The following ATRNL1 variants were observed in gnomAD, a reference collection of about 807,000 sequenced individuals.
ATRNL1 encodes attractin like 1, also known as attractin-like protein 1.
A neutral mutation model predicts 182.7 loss-of-function variants in ATRNL1; 95 were observed. The observed-to-expected ratio is 0.52, with a 90% CI of 0.44 to 0.62. The LOEUF (loss-of-function observed/expected upper bound fraction) is 0.62, where lower values mean the gene tolerates loss of function less well. Ranked by LOEUF, ATRNL1 falls within the 20% of genes least tolerant of loss-of-function variation. The pLI, the probability that ATRNL1 is intolerant of heterozygous loss-of-function variation, is 0.00. For missense variants in ATRNL1, 1,471 were observed against 1,679.5 expected (o/e 0.88, Z 2.17); for synonymous variants, 576 against 568.3 (o/e 1.01, Z -0.19).
At chr10:115,528,765 A>G (rs1848555347) in intron 25 of ATRNL1, among the ~76,000 whole-genome samples, 2 of 152,008 alleles carry the variant, frequency 1.3e-5, no homozygotes, top group African/African-American at 4.8e-5. Flanking sequence ...TTATAACTAA[A>G]TTTCCCTTTT....
chr10:115,865,844 C>A (rs552050302), intron 28 of ATRNL1, among the ~76,000 whole-genome samples: 1 of 152,270 alleles, frequency 6.6e-6, no homozygotes, highest in South Asian at 2.1e-4. Flanking sequence ...ATGGACACTT[C>A]TGTGCTGTCC....
At chr10:115,132,236 C>A (rs1421567091) in intron 5 of ATRNL1, among the ~76,000 whole-genome samples, 1 of 152,162 alleles carries the variant, frequency 6.6e-6, no homozygotes, top group Non-Finnish European at 1.5e-5. Context: ...CAGCGTCATC[C>A]ATGTCCCTAC....
Position 115,282,258 on chromosome 10 carries a change from T to A in ATRNL1, c.2233+771T>A, listed in dbSNP as rs552634418. 9.8e-4 allele frequency among the ~76,000 whole-genome samples: 145 copies of A among 148,500 alleles called. 2 individuals carry two copies. In the South Asian group the frequency reaches 0.024, roughly 24 times the overall value. ...AAATACATTTCTTTTTTTATTTTTTTAAAATTATTATTATTATACTTTAAG... is the reference window on the plus strand; with the variant it reads ...AAATACATTTCTTTTTTTATTTTTTAAAAATTATTATTATTATACTTTAAG... On this transcript the variant is annotated intron_variant, in intron 14 of 28. Coordinates refer to ENST00000355044, the MANE Select transcript of ATRNL1 (RefSeq NM_207303.4).
At chr10:115,136,236 G>T (rs952251478) in intron 5 of ATRNL1, among the ~76,000 whole-genome samples, 1 of 152,112 alleles carries the variant, frequency 6.6e-6, no homozygotes, top group African/African-American at 2.4e-5. Flanking sequence ...ATGACTAAAA[G>T]TATAGGGACC....
At chr10:115,328,332 T>C (rs542131341) in intron 18 of ATRNL1, among the ~76,000 whole-genome samples, 13 of 152,202 alleles carry the variant, frequency 8.5e-5, no homozygotes, top group Non-Finnish European at 1.8e-4. Flanking sequence ...TTTCACACGG[T>C]TCAATGCGAT....
intron 28 of ATRNL1, among the ~76,000 whole-genome samples, chr10:115,868,157 T>C (rs1293612880): frequency 6.6e-6 from 1 of 152,190 alleles, no homozygotes; most frequent in Non-Finnish European, 1.5e-5. Context: ...AATGTATATA[T>C]TCGAGTGATA....
At chr10:115,850,095 C>T (rs1429856211) in intron 28 of ATRNL1, among the ~76,000 whole-genome samples, 1 of 152,044 alleles carries the variant, frequency 6.6e-6, no homozygotes, top group African/African-American at 2.4e-5. Context: ...GACAGTGGTT[C>T]TACTCTTTAA....
chr10:115,651,711 C>G lies in ATRNL1; in HGVS notation c.3796-75537C>G, dbSNP rs372936754. Reference sequence around the variant, plus strand: ...GGGGGATCTTTACATAACCATCTTGCTAGAAGTTATTAAATGTGTTTCTAT... The same window carrying G: ...GGGGGATCTTTACATAACCATCTTGGTAGAAGTTATTAAATGTGTTTCTAT... On this transcript the variant is annotated intron_variant, in intron 26 of 28. Coordinates refer to ENST00000355044, the MANE Select transcript of ATRNL1 (RefSeq NM_207303.4). 2.2e-4 allele frequency among the ~76,000 whole-genome samples: 33 copies of G among 152,198 alleles called. No homozygotes were observed. The East Asian group carries it at 3.3e-3, about 15-fold the overall frequency.
At chr10:115,763,299 T>C (rs1555074121) in intron 27 of ATRNL1, among the ~76,000 whole-genome samples, 1 of 152,150 alleles carries the variant, frequency 6.6e-6, no homozygotes, top group African/African-American at 2.4e-5. Flanking sequence ...CTCCTGAGAC[T>C]CACATAATCT....
intron 28 of ATRNL1, among the ~76,000 whole-genome samples, chr10:115,866,324 G>GA: frequency 6.6e-6 from 1 of 152,088 alleles, no homozygotes; most frequent in East Asian, 1.9e-4. Context: ...TCTGAACTTA[G>GA]AAAATACATT....
chr10:115,885,069 A>G (rs1357753834), intron 28 of ATRNL1, among the ~76,000 whole-genome samples: 3 of 152,254 alleles, frequency 2.0e-5, no homozygotes, highest in Non-Finnish European at 4.4e-5. Flanking sequence ...ATTACCAGGT[A>G]CTTATCCCAT....
chr10:115,858,099 T>C (rs1431800619), intron 28 of ATRNL1, among the ~76,000 whole-genome samples: 9 of 152,202 alleles, frequency 5.9e-5, no homozygotes, highest in Admixed American at 4.6e-4. Flanking sequence ...GTGAATACAA[T>C]GTTATGGGTC....
chr10:115,641,412 AAAG>A (rs1859239289), intron 26 of ATRNL1, among the ~76,000 whole-genome samples: 1 of 152,192 alleles, frequency 6.6e-6, no homozygotes, highest in Non-Finnish European at 1.5e-5. Flanking sequence ...CTTTTACTAT[AAAG>A]AAGTCACACA....
chr10:115,843,930 T>C (rs2134345611), intron 27 of ATRNL1, among the ~76,000 whole-genome samples: 1 of 152,174 alleles, frequency 6.6e-6, no homozygotes, highest in South Asian at 2.1e-4. Flanking sequence ...ACCTATTAGG[T>C]CTACAACTTT....
At chr10:115,361,846 G>C (rs1323197685) in intron 19 of ATRNL1, among the ~76,000 whole-genome samples, 1 of 151,972 alleles carries the variant, frequency 6.6e-6, no homozygotes, top group African/African-American at 2.4e-5. Flanking sequence ...GAAGATTCCA[G>C]TTACTTAAGG....
chr10:115,915,823 G>C (rs1952832317), intron 28 of ATRNL1, among the ~76,000 whole-genome samples: 1 of 152,202 alleles, frequency 6.6e-6, no homozygotes, highest in Non-Finnish European at 1.5e-5. Context: ...TGAAAGTGAA[G>C]TCAGCTGGCT....
At chr10:115,710,835 G>C (rs1555054315) in intron 26 of ATRNL1, among the ~76,000 whole-genome samples, 1 of 152,082 alleles carries the variant, frequency 6.6e-6, no homozygotes, top group Non-Finnish European at 1.5e-5. Context: ...TTCAGTTTAA[G>C]TAATGGTATT....
intron 8 of ATRNL1, among the ~76,000 whole-genome samples, chr10:115,182,236 G>A (rs1847775953): frequency 6.6e-6 from 1 of 151,398 alleles, no homozygotes; most frequent in South Asian, 2.1e-4. Flanking sequence ...AGGAACTATT[G>A]AATCATGATA....
chr10:115,790,502 A>C (rs1555081531), intron 27 of ATRNL1, among the ~76,000 whole-genome samples: 1 of 152,124 alleles, frequency 6.6e-6, no homozygotes, highest in Non-Finnish European at 1.5e-5. Flanking sequence ...GTTCCTAAAC[A>C]GTGACCAAAC....
Sources: gnomAD v4.1 joint callset for allele counts (sites outside exome capture counted in the v4.1 genomes callset) on GRCh38, gnomAD v4.1.1 for gene constraint, MANE v1.5 for transcripts, NCBI Gene and HGNC (gene_info 2026-07-23, HGNC 2026-07-21) for gene names.